The following ALMS1 variants were observed in gnomAD, a reference collection of about 807,000 sequenced individuals.
ALMS1 encodes the protein ALMS1 centrosome and basal body associated protein.
ALMS1 carries 271 observed loss-of-function variants against 352.2 expected under a neutral mutation model. That is an observed-to-expected ratio of 0.77 (90% CI 0.70 to 0.85). ALMS1 has a LOEUF of 0.85. Among genes scored for constraint, ALMS1 ranks in the 40% least tolerant of loss-of-function variants. ALMS1 has a pLI of 0.00. For synonymous variants in ALMS1, 1,865 were observed against 1,761.2 expected, an observed-to-expected ratio of 1.06 and a Z score of -1.48; for missense variants, 5,445 against 4,870.7, an observed-to-expected ratio of 1.12 and a Z score of -3.51.
intron 10 of ALMS1, among the ~76,000 whole-genome samples, chr2:73,509,058 G>T (rs937440316): frequency 2.0e-4 from 30 of 150,968 alleles, no homozygotes; most frequent in Non-Finnish European, 3.5e-4. Flanking sequence ...GTTTTTTTTT[G>T]TTGTTTTGTT....
intron 16 of ALMS1, among the ~76,000 whole-genome samples, chr2:73,583,343 T>C (rs1202673863): frequency 6.6e-6 from 1 of 152,066 alleles, no homozygotes; most frequent in East Asian, 1.9e-4. Flanking sequence ...ATCTTTTAGT[T>C]AGGTATTTGA....
At chr2:73,552,964 G>A (rs1246006924) in intron 13 of ALMS1, among the ~76,000 whole-genome samples, 1 of 152,244 alleles carries the variant, frequency 6.6e-6, no homozygotes, top group African/African-American at 2.4e-5. Flanking sequence ...CAGGTATTCT[G>A]TAAAGACAAT....
At chr2:73,464,344 C>A (rs1672278001) in intron 9 of ALMS1, among the ~76,000 whole-genome samples, 1 of 152,148 alleles carries the variant, frequency 6.6e-6, no homozygotes, top group African/African-American at 2.4e-5. Context: ...AAGACAAAAA[C>A]CACATGATTA....
Position 73,572,495 on chromosome 2 carries a change from A to G in ALMS1, c.10618A>G (p.Thr3540Ala). 1 of 1,613,992 alleles carries G rather than the reference A, an allele frequency of 6.2e-7. No individual in the cohort carries two copies. The highest frequency in any genetic ancestry group is 1.1e-5 in the South Asian group (1 of 91,050). The stretch of plus-strand genomic sequence containing the variant: ...TTATCAAAACATGGACAAGACTAAG[A>G]CAGATTATACCAGAATAAAGAGCCT... ...LPYQNMDKTK[T>A]DYTRIKSLSI... Residue 3540 changes from threonine (T) to alanine (A), a missense_variant, in exon 16 of 23, where the codon ACA becomes GCA. Transcript: ENST00000613296.
At chr2:73,461,933 C>T (rs553405707) in intron 9 of ALMS1, among the ~76,000 whole-genome samples, 4 of 152,054 alleles carry the variant, frequency 2.6e-5, no homozygotes, top group Admixed American at 2.6e-4. Context: ...CGAACAAAGC[C>T]TCCAAGAAAT....
chr2:73,495,417 G>A (rs1673083565), intron 10 of ALMS1, among the ~76,000 whole-genome samples: 1 of 152,044 alleles, frequency 6.6e-6, no homozygotes, highest in African/African-American at 2.4e-5. Context: ...TGTATTTTTA[G>A]TAGAGACAGG....
chr2:73,508,737 C>G (rs755840731), intron 10 of ALMS1, among the ~76,000 whole-genome samples: 2 of 152,098 alleles, frequency 1.3e-5, no homozygotes, highest in Non-Finnish European at 2.9e-5. Context: ...AGTTCAATTC[C>G]TGAATATCCT....
At chr2:73,464,898 G>T (rs1183266768) in intron 9 of ALMS1, among the ~76,000 whole-genome samples, 1 of 152,106 alleles carries the variant, frequency 6.6e-6, no homozygotes. Flanking sequence ...AGGGATGGAA[G>T]GACTTCTTCA....
intron 10 of ALMS1, among the ~76,000 whole-genome samples, chr2:73,517,005 A>C (rs1673571773): frequency 3.3e-5 from 5 of 152,064 alleles, no homozygotes; most frequent in African/African-American, 1.2e-4. Context: ...CATGAGTATG[A>C]ATGAGATTTC....
chr2:73,485,414 A>T (rs1038850478), intron 9 of ALMS1, among the ~76,000 whole-genome samples: 1 of 152,208 alleles, frequency 6.6e-6, no homozygotes, highest in Admixed American at 6.5e-5. Context: ...GACCCACTTG[A>T]GGAGGCAGTC....
At chr2:73,552,791 T>A (rs1674466034) in intron 13 of ALMS1, among the ~76,000 whole-genome samples, 2 of 152,082 alleles carry the variant, frequency 1.3e-5, no homozygotes, top group South Asian at 4.2e-4. Flanking sequence ...CAATGACCTA[T>A]GTAATAGCTA....
chr2:73,426,573 T>A lies in ALMS1; in HGVS notation c.1338+20T>A, dbSNP rs1466354765. 4 of 1,609,856 alleles carry A rather than the reference T, an allele frequency of 2.5e-6. No homozygotes were observed. In the South Asian group the frequency reaches 4.4e-5, roughly 18 times the overall value. On this transcript the variant is annotated intron_variant, in intron 6 of 22. Coordinates refer to ENST00000613296, the MANE Select transcript of ALMS1 (RefSeq NM_001378454.1). ...AGAAAGGTGAGACACAATAAAATGA[T>A]AGTTGTAAGAAACGTGGCCTTTTTC... is the stretch of plus-strand genomic sequence containing the variant.
intron 13 of ALMS1, among the ~76,000 whole-genome samples, chr2:73,556,856 C>T (rs535453519): frequency 6.6e-6 from 1 of 152,090 alleles, no homozygotes; most frequent in South Asian, 2.1e-4. Context: ...GCGTGCACCA[C>T]GACGCCTGCT....
At chr2:73,510,847 G>A (rs1673436653) in intron 10 of ALMS1, among the ~76,000 whole-genome samples, 1 of 152,212 alleles carries the variant, frequency 6.6e-6, no homozygotes, top group Non-Finnish European at 1.5e-5. Flanking sequence ...CTGTCCCAGG[G>A]AGATGGGAGT....
chr2:73,537,971 A>G (rs1460318813), intron 12 of ALMS1, among the ~76,000 whole-genome samples: 1 of 152,214 alleles, frequency 6.6e-6, no homozygotes, highest in African/African-American at 2.4e-5. Flanking sequence ...GCGCCACTGC[A>G]GTCCACTCTG....
intron 12 of ALMS1, among the ~76,000 whole-genome samples, chr2:73,544,659 A>C (rs1674274394): frequency 6.6e-6 from 1 of 152,178 alleles, no homozygotes. Flanking sequence ...TTCCTCAAAA[A>C]ATTAAACATA....
chr2:73,417,378 A>C (rs112921644), intron 2 of ALMS1, among the ~76,000 whole-genome samples: 7 of 152,216 alleles, frequency 4.6e-5, no homozygotes, highest in African/African-American at 1.7e-4. Context: ...AATCTTTTAC[A>C]TTTTTAAAGA....
chr2:73,486,932 G>C (rs1443927899), intron 9 of ALMS1, among the ~76,000 whole-genome samples: 1 of 152,280 alleles, frequency 6.6e-6, no homozygotes, highest in East Asian at 1.9e-4. Context: ...GCATGTGCCT[G>C]TTGTCCCAGC....
At chr2:73,432,023 T>G (rs1671509136) in intron 6 of ALMS1, among the ~76,000 whole-genome samples, 175 bp from the exon 7 acceptor site, 1 of 152,238 alleles carries the variant, frequency 6.6e-6, no homozygotes, top group Non-Finnish European at 1.5e-5. Context: ...ATTATGATCT[T>G]AAGTAACTAG....
Sources: allele counts gnomAD v4.1 joint callset (sites outside exome capture counted in the v4.1 genomes callset), GRCh38; gene constraint gnomAD v4.1.1; transcripts MANE v1.5; gene names NCBI Gene and HGNC (gene_info 2026-07-23, HGNC 2026-07-21).